ZBTB14: variants seen among roughly 807,000 people sequenced by gnomAD.
ZBTB14 encodes zinc finger and BTB domain containing 14.
ZBTB14 carries 8 observed loss-of-function variants against 29.5 expected under a neutral mutation model. The ratio of observed to expected loss-of-function variants is 0.27; its 90% CI spans 0.16 to 0.49. The LOEUF (loss-of-function observed/expected upper bound fraction) is 0.49. Among genes scored for constraint, ZBTB14 ranks in the 20% least tolerant of loss-of-function variants. The pLI, the probability that ZBTB14 is intolerant of heterozygous loss-of-function variation, is 0.99. For missense variants in ZBTB14, 333 were observed against 563.8 expected (o/e 0.59, Z 4.15); for synonymous variants, 226 against 207.2 (o/e 1.09, Z -0.78).
intron 1 of ZBTB14, among the ~76,000 whole-genome samples, chr18:5,294,202 G>A (rs1401700899): frequency 6.6e-6 from 1 of 152,190 alleles, no homozygotes; most frequent in Non-Finnish European, 1.5e-5. Context: ...GCGTAGAAGC[G>A]GGATGTCTCA....
intron 1 of ZBTB14, chr18:5,294,663 G>C (rs902151607): frequency 3.3e-5 from 5 of 152,244 alleles, no homozygotes; most frequent in African/African-American, 1.2e-4. Context: ...ATCTGTGTAG[G>C]CAGGTGTAGG....
upstream of ZBTB14, chr18:5,296,314 A>C (rs1469550469): frequency 1.3e-5 from 2 of 150,124 alleles, no homozygotes; most frequent in African/African-American, 4.9e-5. Context: ...TTCGGGAGCC[A>C]GGGAACTTAA....
chr18:5,292,320 G>A lies in ZBTB14; in HGVS notation c.4-116C>T, dbSNP rs1325130217. 9 of 871,898 alleles carry A rather than the reference G, an allele frequency of 1.0e-5. No individual in the cohort carries two copies. The East Asian group carries it at 2.0e-4, about 19-fold the overall frequency. The allele number at this position is 871,898 out of a possible 1,614,324, so 54.0% of individuals were successfully genotyped here. A position where few individuals can be genotyped will look rare whatever the true frequency, so the allele number is the denominator to read the frequency against. On this transcript the variant is annotated intron_variant, in intron 3 of 3. Transcript: ENST00000651870. ...AACCTAACAATTTCAGAAAGTCAAT[G>A]TTAAGAGTGGTCTTTGAATATGGGT... is the stretch of plus-strand genomic sequence containing the variant.
Position 5,293,340 on chromosome 18 carries a change from G to A in ZBTB14, c.-81-13C>T, listed in dbSNP as rs757475817. ...GAGCACGCCAGACCTACAGAGGAAA[G>A]GATAAACAAGAATGAGGTAGGATCT... is the stretch of plus-strand genomic sequence containing the variant. On this transcript the variant is annotated splice_polypyrimidine_tract_variant and intron_variant, in intron 2 of 3. Coordinates refer to ENST00000651870, the MANE Select transcript of ZBTB14 (RefSeq NM_001243702.2). 7 of 1,303,982 alleles carry A rather than the reference G, an allele frequency of 5.4e-6. No individual in the cohort carries two copies. Among genetic ancestry groups the A allele is most frequent in the Non-Finnish European group, 7.5e-6 (7 of 938,102 alleles). The allele number at this position is 1,303,982 out of a possible 1,614,324, so 80.8% of individuals were successfully genotyped here.
Position 5,289,061 on chromosome 18 carries a change from CA to C in ZBTB14, c.*1796del. 6.6e-6 allele frequency: 1 copy of C among 152,024 alleles called. No individual in the cohort carries two copies. The highest frequency in any genetic ancestry group is 1.9e-4 in the East Asian group (1 of 5,202). The allele number at this position is 152,024 out of a possible 1,614,324, so 9.4% of individuals were successfully genotyped here. On this transcript the variant is annotated 3_prime_UTR_variant, in exon 4 of 4. Transcript: ENST00000651870. ...CTTTTATATACAAAAAATGAAGTCCCAAAATATGGTTTGTTGAAGTAGCTAT... is the reference window on the plus strand; with the variant it reads ...CTTTTATATACAAAAAATGAAGTCCCAAATATGGTTTGTTGAAGTAGCTAT...
intron 1 of ZBTB14, among the ~76,000 whole-genome samples, chr18:5,294,339 A>G (rs1023736977): frequency 6.6e-6 from 1 of 152,216 alleles, no homozygotes; most frequent in African/African-American, 2.4e-5. Context: ...GCAGCCCAGC[A>G]AAAACCTTAC....
chr18:5,293,105 A>G (rs2143244219), intron 3 of ZBTB14, 139 bp downstream of exon 3: 1 of 968,340 alleles, frequency 1.0e-6, no homozygotes, highest in East Asian at 2.7e-5. Context: ...CTTTTTAAAA[A>G]CATTGTTTTA....
intron 1 of ZBTB14, 121 bp downstream of exon 1, chr18:5,295,531 G>C (rs2071937397): frequency 6.9e-6 from 1 of 144,134 alleles, no homozygotes; most frequent in Non-Finnish European, 1.5e-5. Context: ...GAGGCTCTGC[G>C]AGCGCGCGCG....
chr18:5,291,101 G>A lies in ZBTB14; in HGVS notation c.1107C>T (p.Ala369=). The A allele has an allele frequency of 1.2e-6, 2 of 1,614,230 alleles. No homozygotes were observed. Among genetic ancestry groups the A allele is most frequent in the East Asian group, 2.2e-5 (1 of 44,886 alleles). The change falls in exon 4 of 4, where the codon GCC becomes GCT. Residue 369 remains alanine (A), a synonymous_variant. Transcript: ENST00000651870. The surrounding 1 kb of genome is among the most constrained non-coding windows in gnomAD (Gnocchi z 5.8). ...RPFACHMCDK[A]FKHKSHLKDH... is the part of the protein sequence containing the mutation. The stretch of plus-strand genomic sequence containing the variant: ...CCTTGAGGTGAGACTTGTGTTTGAA[G>A]GCTTTGTCACACATGTGGCACGCAA...
chr18:5,291,744 G>C lies in ZBTB14; in HGVS notation c.464C>G (p.Ala155Gly), dbSNP rs1034501304. 9 of 1,613,958 alleles carry C rather than the reference G, an allele frequency of 5.6e-6. No individual in the cohort carries two copies. Among genetic ancestry groups the C allele is most frequent in the African/African-American group, 1.3e-5 (1 of 74,888 alleles). The change falls in exon 4 of 4, where the codon GCT becomes GGT. Residue 155 changes from alanine (A) to glycine (G), a missense_variant. This residue lies in a region of ZBTB14 where 126 missense variants were observed against 132.2 expected (regional missense o/e 0.95). Transcript: ENST00000651870. The surrounding 1 kb of genome is among the most constrained non-coding windows in gnomAD (Gnocchi z 5.8). The stretch of plus-strand genomic sequence containing the variant: ...TACATCATCATCCTGGGTGTCAGCA[G>C]CATCTCCAATGGGGCGATTTATTTT... ...CLKINRPIGD[A>G]ADTQDDDVEE...
chr18:5,292,123 G>C lies in ZBTB14; in HGVS notation c.85C>G (p.Gln29Glu). The change falls in exon 4 of 4, where the codon CAA becomes GAA. Residue 29 changes from glutamine (Q) to glutamate (E), a missense_variant. By Grantham distance (29) the Gln-to-Glu change is conservative. Transcript: ENST00000651870. ...KTLFLKTLNE[Q>E]RLEGEFCDIA... Reference sequence around the variant, plus strand: ...TCACAAAATTCTCCTTCCAGGCGTTGTTCATTTAGTGTTTTCAGAAACAGA... The same window carrying C: ...TCACAAAATTCTCCTTCCAGGCGTTCTTCATTTAGTGTTTTCAGAAACAGA... 6.2e-7 allele frequency: 1 copy of C among 1,601,546 alleles called. No homozygotes were observed.
chr18:5,291,374 G>T lies in ZBTB14; in HGVS notation c.834C>A (p.Ala278=), dbSNP rs192003761. ...LLYGHHREQI[A]CQACGKTFSD... ...AAAACGTCTTCCCACACGCCTGGCA[G>T]GCAATCTGCTCCCGATGGTGACCAT... The change falls in exon 4 of 4, where the codon GCC becomes GCA. Residue 278 remains alanine (A), a synonymous_variant. Transcript: ENST00000651870. The surrounding 1 kb of genome is among the most constrained non-coding windows in gnomAD (Gnocchi z 5.8). 738 of 1,614,224 alleles carry T rather than the reference G, an allele frequency of 4.6e-4. 4 individuals are homozygous for T. In the East Asian group the frequency reaches 0.014, roughly 30 times the overall value.
At position 5,292,208 on chromosome 18, in the gene ZBTB14, CAA is replaced by C. The variant is rs11327444; in HGVS notation, c.4-6_4-5del. 0.015 allele frequency: 18,612 copies of C among 1,256,326 alleles called. 32 individuals carry two copies. The highest frequency in any genetic ancestry group is 0.048 in the Middle Eastern group (226 of 4,714). 77.8% of individuals were successfully genotyped at this position (1,256,326 alleles called of 1,614,324 possible). A position where few individuals can be genotyped will look rare whatever the true frequency, so the allele number is the denominator to read the frequency against. On this transcript the variant is annotated splice_polypyrimidine_tract_variant and splice_region_variant and intron_variant, in intron 3 of 3. Transcript: ENST00000651870. ...CAGACATACTGATGAAAAACTCCTA[CAA>C]AAAAAAAAAAAGTTTAGTAATTATA... is the stretch of plus-strand genomic sequence containing the variant.
intron 3 of ZBTB14, 63 bp downstream of exon 3, chr18:5,293,181 A>G (rs2071857409): frequency 1.9e-6 from 3 of 1,565,278 alleles, no homozygotes; most frequent in Non-Finnish European, 2.6e-6. Context: ...GAATTGGTAT[A>G]TATATTTTAA....
chr18:5,291,778 A>T lies in ZBTB14; in HGVS notation c.430T>A (p.Tyr144Asn), dbSNP rs1345434471. 6.2e-7 allele frequency: 1 copy of T among 1,613,984 alleles called. No individual in the cohort carries two copies. The highest frequency in any genetic ancestry group is 1.1e-5 in the South Asian group (1 of 91,044). ...ATGGGGCGATTTATTTTAAGGCAAT[A>T]CTTACTTTTGGACTGACCATTGTTT... ...DENNGQSKSK[Y>N]CLKINRPIGD... Residue 144 changes from tyrosine (Y) to asparagine (N), a missense_variant, in exon 4 of 4, where the codon TAT becomes AAT. By Grantham distance (143) the Tyr-to-Asn change is moderately radical. Transcript: ENST00000651870. This position sits in a 1 kb window ranked among gnomAD's most constrained non-coding sequence, Gnocchi z 5.8.
In ZBTB14 at chr18:5,293,227, T is replaced by C. The variant is rs200569907; in HGVS notation, c.3+17A>G. 6 of 1,612,426 alleles carry C rather than the reference T, an allele frequency of 3.7e-6. No homozygotes were observed. The South Asian group carries it at 5.5e-5, about 15-fold the overall frequency. On this transcript the variant is annotated intron_variant, in intron 3 of 3. Transcript: ENST00000651870. ...AAGTCATTTTCATCAAGATTTAATA[T>C]CCAAAGTTATAGTTACCATGAACAA...
chr18:5,293,323 C>A lies in ZBTB14; in HGVS notation c.-77G>T. On this transcript the variant is annotated 5_prime_UTR_variant, in exon 3 of 4. Transcript: ENST00000651870. ...AGAGTAACTCTGATCAGGAGCACGC[C>A]AGACCTACAGAGGAAAGGATAAACA... 1.4e-6 allele frequency: 2 copies of A among 1,455,710 alleles called. No homozygotes were observed. The highest frequency in any genetic ancestry group is 1.9e-6 in the Non-Finnish European group (2 of 1,056,076). The allele number at this position is 1,455,710 out of a possible 1,614,324, so 90.2% of individuals were successfully genotyped here.
upstream of ZBTB14, among the ~76,000 whole-genome samples, chr18:5,296,645 C>G (rs570599724): frequency 4.9e-4 from 74 of 152,130 alleles, 1 homozygote; most frequent in African/African-American, 1.7e-3. Flanking sequence ...GGGGAGTGGA[C>G]GGTGCACAAT....
chr18:5,290,179 G>C lies in ZBTB14; in HGVS notation c.*679C>G, dbSNP rs1177087031. 6.6e-6 allele frequency: 1 copy of C among 152,150 alleles called. No homozygotes were observed. Among genetic ancestry groups the C allele is most frequent in the Non-Finnish European group, 1.5e-5 (1 of 68,058 alleles). The allele number at this position is 152,150 out of a possible 1,614,324, so 9.4% of individuals were successfully genotyped here. On this transcript the variant is annotated 3_prime_UTR_variant, in exon 4 of 4. Coordinates refer to ENST00000651870, the MANE Select transcript of ZBTB14 (RefSeq NM_001243702.2). Reference sequence around the variant, plus strand: ...TCCAAGACCCCCCACCATCCCGGTGGGTTTGCTTGGCCTTTAGGATGTGTG... The same window carrying C: ...TCCAAGACCCCCCACCATCCCGGTGCGTTTGCTTGGCCTTTAGGATGTGTG...
Sources: allele counts gnomAD v4.1 joint callset (sites outside exome capture counted in the v4.1 genomes callset), GRCh38; gene constraint gnomAD v4.1.1; regional missense constraint gnomAD v4.1.1; non-coding constraint Gnocchi (gnomAD v3.1); transcripts MANE v1.5; gene names NCBI Gene and HGNC (gene_info 2026-07-23, HGNC 2026-07-21).